The following GALNT8 variants were observed in gnomAD, a reference collection of about 807,000 sequenced individuals.
GALNT8 encodes the protein probable polypeptide N-acetylgalactosaminyltransferase 8.
GALNT8 carries 66 observed loss-of-function variants against 62.7 expected under a neutral mutation model. The ratio of observed to expected loss-of-function variants is 1.05; its 90% CI spans 0.86 to 1.29. The LOEUF (loss-of-function observed/expected upper bound fraction) is 1.29, where lower values mean the gene tolerates loss of function less well. Ranked by LOEUF, GALNT8 falls within the 50% of genes most tolerant of loss-of-function variation. The pLI is 0.00. For synonymous variants in GALNT8, 288 were observed against 294.3 expected, an observed-to-expected ratio of 0.98 and a Z score of 0.22; for missense variants, 771 against 791.8, an observed-to-expected ratio of 0.97 and a Z score of 0.32.
At chr12:4,771,251 A>C (rs1482649963) in intron 10 of GALNT8, among the ~76,000 whole-genome samples, 2 of 152,216 alleles carry the variant, frequency 1.3e-5, no homozygotes, top group East Asian at 3.9e-4. Flanking sequence ...CTCAGTTGGC[A>C]GACCCTGTCC....
intron 10 of GALNT8, among the ~76,000 whole-genome samples, chr12:4,771,847 A>C (rs549894833): frequency 4.4e-4 from 67 of 152,228 alleles, no homozygotes; most frequent in African/African-American, 1.5e-3. Context: ...GAGATTAGGT[A>C]ATTTGCCCAA....
intron 2 of GALNT8, among the ~76,000 whole-genome samples, chr12:4,735,137 G>T (rs1341710419): frequency 6.6e-6 from 1 of 152,150 alleles, no homozygotes; most frequent in Non-Finnish European, 1.5e-5. Flanking sequence ...AAAATGTGTG[G>T]ATTGAGGCTT....
chr12:4,723,648 C>T (rs1002104822), intron 1 of GALNT8, among the ~76,000 whole-genome samples: 2 of 152,112 alleles, frequency 1.3e-5, no homozygotes, highest in Non-Finnish European at 2.9e-5. Flanking sequence ...TCTTGGTGCT[C>T]CCACATTTTA....
At chr12:4,727,670 C>T (rs779984353) in intron 2 of GALNT8, among the ~76,000 whole-genome samples, 24 of 152,168 alleles carry the variant, frequency 1.6e-4, no homozygotes, top group Non-Finnish European at 3.1e-4. Flanking sequence ...GTATCATTCA[C>T]ATTATAACAC....
chr12:4,763,436 G>T (rs1946382064), intron 8 of GALNT8, 46 bp downstream of exon 8: 1 of 1,504,744 alleles, frequency 6.6e-7, no homozygotes, highest in African/African-American at 1.4e-5. Context: ...GTTTGACTGT[G>T]AAAGACAATG....
At chr12:4,763,904 A>G in intron 8 of GALNT8, 48 bp from the exon 9 acceptor site, 1 of 978,624 alleles carries the variant, frequency 1.0e-6, no homozygotes, top group Non-Finnish European at 1.7e-6. Flanking sequence ...ATGGCGCCTC[A>G]TTCTCTGTCC....
intron 2 of GALNT8, among the ~76,000 whole-genome samples, chr12:4,730,594 G>C (rs1397218720): frequency 6.6e-6 from 1 of 152,104 alleles, no homozygotes; most frequent in Non-Finnish European, 1.5e-5. Context: ...GCAGTATCAT[G>C]CTGTTTTGAT....
chr12:4,760,260 G>C (rs1464080891), intron 6 of GALNT8, among the ~76,000 whole-genome samples: 1 of 152,178 alleles, frequency 6.6e-6, no homozygotes, highest in Non-Finnish European at 1.5e-5. Context: ...CCAGGCTGAG[G>C]AAGCATTCAG....
chr12:4,745,253 A>G (rs1204588196), intron 4 of GALNT8, among the ~76,000 whole-genome samples, 176 bp from the exon 5 acceptor site: 5 of 152,240 alleles, frequency 3.3e-5, no homozygotes, highest in East Asian at 1.9e-4. Flanking sequence ...AGCTTCAGCT[A>G]TCCCGAAAGG....
At chr12:4,765,180 CCTG>C (rs1946393432) in intron 9 of GALNT8, among the ~76,000 whole-genome samples, 196 bp from the exon 10 acceptor site, 1 of 151,922 alleles carries the variant, frequency 6.6e-6, no homozygotes, top group African/African-American at 2.4e-5. Context: ...TGGCCTTCTC[CCTG>C]GATTCAAGGA....
chr12:4,756,701 A>G (rs1398755686), intron 6 of GALNT8, among the ~76,000 whole-genome samples: 1 of 152,174 alleles, frequency 6.6e-6, no homozygotes, highest in Non-Finnish European at 1.5e-5. Context: ...ATTTCTTTCT[A>G]ACTGAAACTG....
intron 2 of GALNT8, 144 bp from the exon 3 acceptor site, chr12:4,739,019 G>C: frequency 2.0e-6 from 1 of 490,536 alleles, no homozygotes; most frequent in Non-Finnish European, 3.6e-6. Flanking sequence ...ACTGTGATAA[G>C]CCACTAAGAG....
At chr12:4,742,677 C>T (rs535637497) in intron 3 of GALNT8, among the ~76,000 whole-genome samples, 14 of 152,022 alleles carry the variant, frequency 9.2e-5, no homozygotes, top group Admixed American at 3.9e-4. Context: ...GACTTGAAGG[C>T]GTCATAGGAT....
At chr12:4,754,516 T>C (rs1236705707) in intron 6 of GALNT8, among the ~76,000 whole-genome samples, 1 of 152,120 alleles carries the variant, frequency 6.6e-6, no homozygotes, top group Non-Finnish European at 1.5e-5. Flanking sequence ...CTACCACTCA[T>C]GTTCCCTTAG....
chr12:4,743,271 C>G (rs1946280226), intron 3 of GALNT8, among the ~76,000 whole-genome samples: 1 of 152,214 alleles, frequency 6.6e-6, no homozygotes, highest in Non-Finnish European at 1.5e-5. Flanking sequence ...GGATTACTGA[C>G]TAAAAGTAGT....
In GALNT8 at chr12:4,763,394, T is replaced by G. The variant is rs772984453; in HGVS notation, c.1497+4T>G. 9.3e-6 allele frequency: 15 copies of G among 1,606,760 alleles called. No homozygotes were observed. In the African/African-American group the frequency reaches 1.7e-4, roughly 19 times the overall value. ...CACCATCGTGGGCTATGGAAGAGTATGTATTATGAAATTGCACTTTGGATT... is the reference window on the plus strand; with the variant it reads ...CACCATCGTGGGCTATGGAAGAGTAGGTATTATGAAATTGCACTTTGGATT... On this transcript the variant is annotated splice_donor_region_variant and intron_variant, in intron 8 of 10. Coordinates refer to ENST00000252318, the MANE Select transcript of GALNT8 (RefSeq NM_017417.2).
At chr12:4,734,813 G>A (rs963668271) in intron 2 of GALNT8, among the ~76,000 whole-genome samples, 3 of 152,080 alleles carry the variant, frequency 2.0e-5, no homozygotes, top group Non-Finnish European at 2.9e-5. Context: ...ACTAAGCAGG[G>A]CAGTTCTCCA....
chr12:4,765,571 GGTTT>G (rs555041025), intron 10 of GALNT8, 25 bp downstream of exon 10: 341 of 1,573,102 alleles, frequency 2.2e-4, no homozygotes, highest in East Asian at 5.9e-4. Context: ...TTTGTTTGTT[GGTTT>G]GTTTGTTTTG....
rs780766378 is a variant in GALNT8, at chr12:4,739,221, G to C, written c.568G>C (p.Val190Leu). 1 of 1,612,622 alleles carries C rather than the reference G, an allele frequency of 6.2e-7. No homozygotes were observed. Among genetic ancestry groups the C allele is most frequent in the Admixed American group, 1.7e-5 (1 of 59,988 alleles). ...LPSLSVILIF[V>L]NEALSIIQRA... ...ATCCCTCAGTGTCATTCTCATATTC[G>C]TGAATGAAGCTCTGTCCATTATACA... Residue 190 changes from valine to leucine, a missense_variant, in exon 3 of 11, where the codon GTG (valine) becomes CTG (leucine). Val to Leu is a conservative substitution (Grantham distance 32, BLOSUM62 1). Coordinates refer to ENST00000252318, the MANE Select transcript of GALNT8 (RefSeq NM_017417.2).
Sources: gnomAD v4.1 joint callset for allele counts (sites outside exome capture counted in the v4.1 genomes callset) on GRCh38, gnomAD v4.1.1 for gene constraint, MANE v1.5 for transcripts, NCBI Gene and HGNC (gene_info 2026-07-23, HGNC 2026-07-21) for gene names.